Variants in NEDD4L observed in about 807,000 individuals in gnomAD.
The protein encoded by NEDD4L is E3 ubiquitin-protein ligase NEDD4-like.
Under a neutral mutation model 148.9 loss-of-function variants are expected in NEDD4L, and 54 were observed. That is an observed-to-expected ratio of 0.36 (90% CI 0.29 to 0.45). The LOEUF (loss-of-function observed/expected upper bound fraction) is 0.45. NEDD4L is among the 20% of genes least tolerant of loss of function. The pLI is 1.00. For missense variants in NEDD4L, 856 were observed against 1,233.8 expected, an observed-to-expected ratio of 0.69 and a Z score of 4.59; for synonymous variants, 433 against 440.7, an observed-to-expected ratio of 0.98 and a Z score of 0.22.
At chr18:58,090,228 C>T (rs2083995116) in intron 1 of NEDD4L, among the ~76,000 whole-genome samples, 1 of 152,144 alleles carries the variant, frequency 6.6e-6, no homozygotes, top group African/African-American at 2.4e-5. Flanking sequence ...GTCTTGCTTA[C>T]TGCTTTGGGA....
chr18:58,049,308 C>G (rs1189094977), intron 1 of NEDD4L, among the ~76,000 whole-genome samples: 2 of 152,236 alleles, frequency 1.3e-5, no homozygotes, highest in African/African-American at 4.8e-5. Context: ...GGATGGCCGT[C>G]TGTAAGTGAT....
intron 1 of NEDD4L, among the ~76,000 whole-genome samples, chr18:58,050,392 C>T (rs576307785): frequency 1.3e-5 from 2 of 151,988 alleles, no homozygotes; most frequent in Admixed American, 1.3e-4. Flanking sequence ...ATAGCTTGAA[C>T]CCTGAAGGCA....
intron 3 of NEDD4L, among the ~76,000 whole-genome samples, chr18:58,246,814 A>AAT (rs1024174992): frequency 4.6e-5 from 7 of 152,006 alleles, no homozygotes; most frequent in South Asian, 2.1e-4. Flanking sequence ...AGACATATGT[A>AAT]ATATATATAT....
At chr18:58,084,342 G>A (rs990615637) in intron 1 of NEDD4L, among the ~76,000 whole-genome samples, 1 of 152,162 alleles carries the variant, frequency 6.6e-6, no homozygotes, top group Non-Finnish European at 1.5e-5. Flanking sequence ...ATGCTTGTAC[G>A]ACTCTGTGGA....
In NEDD4L at chr18:58,161,489, C is replaced by T. The variant is rs529005839; in HGVS notation, c.49-4299C>T. Among the ~76,000 whole-genome samples the T allele has an allele frequency of 7.1e-5, 10 of 141,760 alleles. 1 individual carries two copies. Among genetic ancestry groups the T allele is most frequent in the African/African-American group, 2.4e-4 (9 of 37,542 alleles). The allele number at this position is 141,760 out of a possible 152,430, so 93.0% of individuals were successfully genotyped here. A position where few individuals can be genotyped will look rare whatever the true frequency, so the allele number is the denominator to read the frequency against. On this transcript the variant is annotated intron_variant, in intron 1 of 30. Transcript: ENST00000400345. ...GGTTTCTAAACCAAAATATTTAATG[C>T]TTCAAAAGGAAAAAAATGTAAGTCA...
At chr18:58,390,035 G>A (rs1327908733) in intron 28 of NEDD4L, 2 of 152,114 alleles carry the variant, frequency 1.3e-5, no homozygotes, top group Non-Finnish European at 2.9e-5. Context: ...AGATAAAAAA[G>A]CAAAATCTTC....
chr18:58,382,388 T>C (rs569903583), intron 24 of NEDD4L, among the ~76,000 whole-genome samples: 2 of 152,338 alleles, frequency 1.3e-5, no homozygotes, highest in African/African-American at 4.8e-5. Context: ...TGGTTTACTC[T>C]ATAATGCAAC....
At position 58,356,055 on chromosome 18, in the gene NEDD4L, C is replaced by T. The variant is rs189988340; in HGVS notation, c.1709-1139C>T. ...ACTGCAGCCTTCCCCTGGGCTCAAG[C>T]GATCTTCCCACCTCAGCCTCCCAAG... On this transcript the variant is annotated intron_variant, in intron 18 of 30. Coordinates refer to ENST00000400345, the MANE Select transcript of NEDD4L (RefSeq NM_001144967.3). 1.6e-3 allele frequency among the ~76,000 whole-genome samples: 250 copies of T among 152,154 alleles called. 3 individuals carry two copies. The highest frequency in any genetic ancestry group is 0.014 in the Admixed American group (219 of 15,298).
intron 2 of NEDD4L, among the ~76,000 whole-genome samples, chr18:58,194,541 A>T (rs1296458953): frequency 1.3e-5 from 2 of 152,134 alleles, no homozygotes; most frequent in African/African-American, 4.8e-5. Flanking sequence ...TTGAAGTGGG[A>T]ATTTACACAG....
intron 5 of NEDD4L, among the ~76,000 whole-genome samples, chr18:58,284,821 A>T (rs533696111): frequency 1.3e-5 from 2 of 152,332 alleles, no homozygotes; most frequent in African/African-American, 4.8e-5. Context: ...GGGCACTATC[A>T]GGAGTGATGT....
At chr18:58,382,668 T>G (rs1440795271) in intron 24 of NEDD4L, among the ~76,000 whole-genome samples, 5 of 152,082 alleles carry the variant, frequency 3.3e-5, no homozygotes, top group African/African-American at 1.2e-4. Context: ...TTCATGATCA[T>G]GGGTGGTGCT....
At chr18:58,178,612 A>G (rs2038449344) in intron 2 of NEDD4L, among the ~76,000 whole-genome samples, 1 of 152,220 alleles carries the variant, frequency 6.6e-6, no homozygotes. Flanking sequence ...GGAATCTGCA[A>G]TGTGTAACTC....
chr18:58,272,348 T>A (rs1384916817), intron 5 of NEDD4L, among the ~76,000 whole-genome samples: 6 of 152,132 alleles, frequency 3.9e-5, no homozygotes, highest in Admixed American at 3.9e-4. Context: ...TATTATTTAA[T>A]CCAAAGGCCA....
chr18:58,275,990 A>G (rs1418701773), intron 5 of NEDD4L, among the ~76,000 whole-genome samples: 3 of 152,214 alleles, frequency 2.0e-5, no homozygotes, highest in Non-Finnish European at 4.4e-5. Flanking sequence ...GACTAGTGCC[A>G]GCAGGAACAA....
At chr18:58,245,077 C>T (rs183441539) in intron 2 of NEDD4L, among the ~76,000 whole-genome samples, 29 of 152,248 alleles carry the variant, frequency 1.9e-4, no homozygotes, top group African/African-American at 5.8e-4. Flanking sequence ...ATTACCTAGA[C>T]GCTAGAAATA....
At chr18:58,089,286 A>G (rs1430309399) in intron 1 of NEDD4L, among the ~76,000 whole-genome samples, 1 of 151,940 alleles carries the variant, frequency 6.6e-6, no homozygotes, top group African/African-American at 2.4e-5. Context: ...GGTGCATGCC[A>G]CCATGCCTGA....
intron 2 of NEDD4L, among the ~76,000 whole-genome samples, chr18:58,195,944 ATTAT>A (rs2040639588): frequency 6.6e-6 from 1 of 152,130 alleles, no homozygotes; most frequent in Non-Finnish European, 1.5e-5. Flanking sequence ...AAACATTTTA[ATTAT>A]TTATGTATTT....
At chr18:58,379,561 C>T (rs954757732) in intron 24 of NEDD4L, among the ~76,000 whole-genome samples, 31 of 152,240 alleles carry the variant, frequency 2.0e-4, no homozygotes, top group Admixed American at 7.2e-4. Context: ...TGCCTGGAGG[C>T]GAGCATTAGA....
intron 1 of NEDD4L, among the ~76,000 whole-genome samples, chr18:58,083,557 G>C (rs983871112): frequency 6.6e-6 from 1 of 152,032 alleles, no homozygotes; most frequent in African/African-American, 2.4e-5. Flanking sequence ...GCGTGGTGGC[G>C]GGTGCCTGTA....
Sources: gnomAD v4.1 joint callset for allele counts (sites outside exome capture counted in the v4.1 genomes callset) on GRCh38, gnomAD v4.1.1 for gene constraint, MANE v1.5 for transcripts, NCBI Gene and HGNC (gene_info 2026-07-23, HGNC 2026-07-21) for gene names.